The following ANKS1B variants were observed in gnomAD, a reference collection of about 807,000 sequenced individuals.
The protein encoded by ANKS1B is ankyrin repeat and sterile alpha motif domain-containing protein 1B.
In ANKS1B, 36 loss-of-function variants were observed where a neutral mutation model predicts 148.3. The ratio of observed to expected loss-of-function variants is 0.24; its 90% CI spans 0.19 to 0.32. The LOEUF is 0.32. Ranked by LOEUF, ANKS1B falls within the 10% of genes least tolerant of loss-of-function variation. The pLI, the probability that ANKS1B is intolerant of heterozygous loss-of-function variation, is 1.00. For missense variants in ANKS1B, 1,157 were observed against 1,542.6 expected, an observed-to-expected ratio of 0.75 and a Z score of 4.19; for synonymous variants, 542 against 560.8, an observed-to-expected ratio of 0.97 and a Z score of 0.47.
intron 17 of ANKS1B, among the ~76,000 whole-genome samples, chr12:98,833,612 G>T (rs773398268): frequency 2.0e-5 from 3 of 151,890 alleles, no homozygotes; most frequent in Non-Finnish European, 4.4e-5. Context: ...TTTTAATTTA[G>T]ATGTAGGTGG....
intron 12 of ANKS1B, among the ~76,000 whole-genome samples, chr12:99,327,172 T>A (rs1482744396): frequency 1.7e-5 from 2 of 119,580 alleles, no homozygotes; most frequent in African/African-American, 3.4e-5. Context: ...TATATAATTA[T>A]ATTATATATT....
chr12:99,868,982 G>A (rs1361296287), intron 1 of ANKS1B, among the ~76,000 whole-genome samples: 5 of 152,214 alleles, frequency 3.3e-5, no homozygotes, highest in East Asian at 1.9e-4. Flanking sequence ...GCTTGAACTC[G>A]GGAGGCAGAG....
chr12:99,777,881 G>T (rs1291577251), intron 6 of ANKS1B, among the ~76,000 whole-genome samples: 12 of 151,806 alleles, frequency 7.9e-5, no homozygotes, highest in African/African-American at 2.7e-4. Flanking sequence ...ATCGCGCCTG[G>T]CCCATGCTTC....
intron 1 of ANKS1B, among the ~76,000 whole-genome samples, chr12:99,881,774 G>C (rs1217954234): frequency 6.6e-6 from 1 of 152,194 alleles, no homozygotes. Context: ...AGGCTGATCA[G>C]ACCTTACAAC....
intron 8 of ANKS1B, among the ~76,000 whole-genome samples, chr12:99,761,927 A>G (rs1194602894): frequency 6.6e-6 from 1 of 152,100 alleles, no homozygotes; most frequent in African/African-American, 2.4e-5. Flanking sequence ...CCACAGTAAG[A>G]ATGCAATCCC....
intron 17 of ANKS1B, among the ~76,000 whole-genome samples, chr12:98,847,771 T>G (rs1021351553): frequency 6.6e-6 from 1 of 152,102 alleles, no homozygotes; most frequent in Non-Finnish European, 1.5e-5. Context: ...AATTTTCGTA[T>G]TTTTAGTAGA....
Position 99,035,475 on chromosome 12 carries a change from T to C in ANKS1B, c.2778+17682A>G, listed in dbSNP as rs182149136. ...ACCCTTTTTTTGGTCCAATAATATT[T>C]CGGCACAGCTGTCCATACTTTGTTG... On this transcript the variant is annotated intron_variant, in intron 17 of 26. Transcript: ENST00000683438. Among the ~76,000 whole-genome samples, 400 of 152,300 alleles carry C rather than the reference T, an allele frequency of 2.6e-3. 2 individuals carry two copies. The highest frequency in any genetic ancestry group is 9.1e-3 in the African/African-American group (378 of 41,572).
intron 8 of ANKS1B, among the ~76,000 whole-genome samples, chr12:99,719,516 C>CT (rs1310465552): frequency 6.6e-6 from 1 of 152,154 alleles, no homozygotes; most frequent in African/African-American, 2.4e-5. Flanking sequence ...CACTCACCAG[C>CT]AAAGGCAGGC....
chr12:99,775,538 A>C lies in ANKS1B; in HGVS notation c.961+10T>G. ...GTATAGATTCCAGGGCTTTATAATTAGGTACTCACTTTTGGTCTTTTGGGA... is the reference window on the plus strand; with the variant it reads ...GTATAGATTCCAGGGCTTTATAATTCGGTACTCACTTTTGGTCTTTTGGGA... On this transcript the variant is annotated intron_variant, in intron 7 of 26. Transcript: ENST00000683438. 2 of 1,583,452 alleles carry C rather than the reference A, an allele frequency of 1.3e-6. No individual in the cohort carries two copies. Among genetic ancestry groups the C allele is most frequent in the Non-Finnish European group, 1.7e-6 (2 of 1,152,478 alleles).
chr12:99,057,443 C>T (rs577322032), intron 16 of ANKS1B, among the ~76,000 whole-genome samples: 1 of 152,208 alleles, frequency 6.6e-6, no homozygotes. Context: ...TCTCCTCTCT[C>T]ATCCCTTCCT....
At chr12:99,151,492 C>CAT (rs2074888746) in intron 15 of ANKS1B, among the ~76,000 whole-genome samples, 1 of 147,366 alleles carries the variant, frequency 6.8e-6, no homozygotes, top group South Asian at 2.3e-4. Flanking sequence ...CACACCACTG[C>CAT]ATTCCAGCCT....
At chr12:99,848,706 A>T (rs2153704297) in intron 1 of ANKS1B, among the ~76,000 whole-genome samples, 1 of 152,276 alleles carries the variant, frequency 6.6e-6, no homozygotes, top group South Asian at 2.1e-4. Context: ...TAAATTCTAG[A>T]CAGATTACAA....
At chr12:99,121,334 T>TGTGTGTGG (rs1368156937) in intron 15 of ANKS1B, among the ~76,000 whole-genome samples, 1 of 151,002 alleles carries the variant, frequency 6.6e-6, no homozygotes, top group African/African-American at 2.4e-5. Context: ...TGTGTGTGTG[T>TGTGTGTGG]GTGTGTGTGT....
chr12:99,891,502 G>C (rs954924282), intron 1 of ANKS1B, among the ~76,000 whole-genome samples: 1 of 152,110 alleles, frequency 6.6e-6, no homozygotes, highest in Non-Finnish European at 1.5e-5. Flanking sequence ...TAACAGGTGT[G>C]AGCCACCATG....
intron 14 of ANKS1B, among the ~76,000 whole-genome samples, chr12:99,187,267 G>A (rs2079993784): frequency 6.6e-6 from 1 of 151,830 alleles, no homozygotes; most frequent in Non-Finnish European, 1.5e-5. Flanking sequence ...ATACTCTTCA[G>A]GATATTATCC....
At chr12:99,274,549 G>A (rs1602306153) in intron 12 of ANKS1B, among the ~76,000 whole-genome samples, 1 of 151,988 alleles carries the variant, frequency 6.6e-6, no homozygotes, top group East Asian at 1.9e-4. Context: ...AGCTCCCAGG[G>A]ACGATCTACC....
chr12:99,614,724 T>A (rs1002725332), intron 9 of ANKS1B, among the ~76,000 whole-genome samples: 1 of 152,084 alleles, frequency 6.6e-6, no homozygotes, highest in Non-Finnish European at 1.5e-5. Context: ...ATGTTTATAC[T>A]GAACCAAATC....
intron 11 of ANKS1B, among the ~76,000 whole-genome samples, chr12:99,411,127 G>A (rs1448155905): frequency 6.6e-6 from 1 of 152,142 alleles, no homozygotes; most frequent in African/African-American, 2.4e-5. Context: ...AAACAGTTAA[G>A]TCAAGATTCC....
chr12:99,614,473 A>C, intron 9 of ANKS1B, among the ~76,000 whole-genome samples: 1 of 28,120 alleles, frequency 3.6e-5, no homozygotes, highest in African/African-American at 1.4e-4. Flanking sequence ...AGGGGAGGGG[A>C]GGGAAGGGGA....
Sources: allele counts gnomAD v4.1 joint callset (sites outside exome capture counted in the v4.1 genomes callset), GRCh38; gene constraint gnomAD v4.1.1; transcripts MANE v1.5; gene names NCBI Gene and HGNC (gene_info 2026-07-23, HGNC 2026-07-21).